The following SPMIP2 variants were observed in gnomAD, a reference collection of about 807,000 sequenced individuals.
The protein encoded by SPMIP2 is sperm microtubule inner protein 2, also known as protein SPMIP2.
chr4:158,920,223 ATTGTG>A, the SPMIP2 span, among the ~76,000 whole-genome samples: 7 of 152,270 alleles, frequency 4.6e-5, no homozygotes, highest in African/African-American at 1.4e-4. Context: ...CACTGTGATA[ATTGTG>A]TTAACTGTAT....
At chr4:158,921,849 A>G in the SPMIP2 span, among the ~76,000 whole-genome samples, 7 of 150,908 alleles carry the variant, frequency 4.6e-5, no homozygotes, top group Admixed American at 4.6e-4. Flanking sequence ...TTCTTCTACT[A>G]CAGTGATAAA....
At chr4:159,002,025 A>G in the SPMIP2 span, among the ~76,000 whole-genome samples, 1 of 152,164 alleles carries the variant, frequency 6.6e-6, no homozygotes, top group Non-Finnish European at 1.5e-5. Context: ...AATAATAGCC[A>G]TCCTGACTGG....
At chr4:158,996,052 C>T in the SPMIP2 span, among the ~76,000 whole-genome samples, 4 of 152,218 alleles carry the variant, frequency 2.6e-5, no homozygotes, top group East Asian at 1.9e-4. Flanking sequence ...ACTCGCACGA[C>T]GTCTCGTTTG....
chr4:159,071,548 A>G, the SPMIP2 span, among the ~76,000 whole-genome samples: 9 of 152,320 alleles, frequency 5.9e-5, no homozygotes, highest in East Asian at 1.7e-3. Flanking sequence ...GCAATGAGAA[A>G]TTCATTATGA....
the SPMIP2 span, chr4:158,895,716 C>T: frequency 7.4e-7 from 1 of 1,344,056 alleles, no homozygotes; most frequent in Non-Finnish European, 1.1e-6. Flanking sequence ...GATTTGACTT[C>T]TAGCCCTCAT....
At chr4:158,965,890 G>T in the SPMIP2 span, among the ~76,000 whole-genome samples, 1 of 152,174 alleles carries the variant, frequency 6.6e-6, no homozygotes, top group Non-Finnish European at 1.5e-5. Flanking sequence ...GATGGTGGGT[G>T]GGGGCTGGTA....
chr4:158,991,462 C>T, the SPMIP2 span, among the ~76,000 whole-genome samples: 2 of 152,164 alleles, frequency 1.3e-5, no homozygotes, highest in Non-Finnish European at 2.9e-5. Flanking sequence ...GGATGGTCAA[C>T]GTGTAACAAG....
the SPMIP2 span, among the ~76,000 whole-genome samples, chr4:159,006,249 G>A: frequency 6.6e-6 from 1 of 152,232 alleles, no homozygotes; most frequent in Non-Finnish European, 1.5e-5. Flanking sequence ...ATATTTGTTA[G>A]AGAGGGAGAG....
chr4:158,949,907 G>A, the SPMIP2 span, among the ~76,000 whole-genome samples: 1 of 152,208 alleles, frequency 6.6e-6, no homozygotes, highest in Non-Finnish European at 1.5e-5. Flanking sequence ...GAAAAGAGCT[G>A]TGTTTCTGTG....
chr4:158,952,850 C>T, the SPMIP2 span, among the ~76,000 whole-genome samples: 15 of 152,180 alleles, frequency 9.9e-5, no homozygotes, highest in Non-Finnish European at 1.5e-4. Flanking sequence ...AGACTGGTGG[C>T]ATTTTGCCCC....
the SPMIP2 span, among the ~76,000 whole-genome samples, chr4:159,044,607 G>A: frequency 4.1e-4 from 63 of 152,190 alleles, no homozygotes; most frequent in Non-Finnish European, 6.6e-4. Flanking sequence ...AGAAGAGTGT[G>A]GGAAAAATGG....
At chr4:158,949,868 C>G in the SPMIP2 span, among the ~76,000 whole-genome samples, 1 of 152,114 alleles carries the variant, frequency 6.6e-6, no homozygotes, top group Non-Finnish European at 1.5e-5. Flanking sequence ...TATTACAAAG[C>G]AAAAGAAAAG....
chr4:158,966,927 T>C, the SPMIP2 span, among the ~76,000 whole-genome samples: 1 of 152,214 alleles, frequency 6.6e-6, no homozygotes, highest in Non-Finnish European at 1.5e-5. Flanking sequence ...CTGTGCTTAG[T>C]TGAGAGGCCA....
At chr4:159,034,750 G>A in the SPMIP2 span, among the ~76,000 whole-genome samples, 2 of 152,276 alleles carry the variant, frequency 1.3e-5, no homozygotes, top group African/African-American at 4.8e-5. Context: ...AATTAGCTGG[G>A]CATGATGGCA....
chr4:158,976,206 CTAAT>C, the SPMIP2 span, among the ~76,000 whole-genome samples: 1 of 152,180 alleles, frequency 6.6e-6, no homozygotes, highest in Non-Finnish European at 1.5e-5. Flanking sequence ...ATGGGGTTTT[CTAAT>C]TATATAATCA....
the SPMIP2 span, among the ~76,000 whole-genome samples, chr4:158,990,651 G>A: frequency 1.8e-4 from 28 of 152,152 alleles, no homozygotes; most frequent in South Asian, 5.8e-3. Flanking sequence ...ACCAAACACC[G>A]CCATGTTCTC....
At chr4:159,019,032 G>A in the SPMIP2 span, among the ~76,000 whole-genome samples, 1 of 152,174 alleles carries the variant, frequency 6.6e-6, no homozygotes, top group African/African-American at 2.4e-5. Flanking sequence ...GGAGCTTGCG[G>A]TGAGCCGAGA....
chr4:158,998,097 G>A, the SPMIP2 span, among the ~76,000 whole-genome samples: 1 of 152,142 alleles, frequency 6.6e-6, no homozygotes, highest in Non-Finnish European at 1.5e-5. Flanking sequence ...TGGACAATAC[G>A]TAAACCAGTA....
At chr4:158,894,927 A>T in the SPMIP2 span, among the ~76,000 whole-genome samples, 1 of 152,202 alleles carries the variant, frequency 6.6e-6, no homozygotes, top group African/African-American at 2.4e-5. Context: ...TGCATCTGTT[A>T]ATCTTTTTAC....
Sources: allele counts gnomAD v4.1 joint callset (sites outside exome capture counted in the v4.1 genomes callset), GRCh38; gene constraint gnomAD v4.1.1; transcripts MANE v1.5; gene names NCBI Gene and HGNC (gene_info 2026-07-23, HGNC 2026-07-21).